APTX: variants seen among roughly 807,000 people sequenced by gnomAD.
The protein encoded by APTX is forkhead-associated domain histidine triad-like protein.
A neutral mutation model predicts 42.3 loss-of-function variants in APTX; 33 were observed. The ratio of observed to expected loss-of-function variants is 0.78; its 90% confidence interval spans 0.59 to 1.04. The LOEUF (loss-of-function observed/expected upper bound fraction) is 1.04. Among genes scored for constraint, APTX ranks in the 50% least tolerant of loss-of-function variants. The probability of loss-of-function intolerance (pLI) is 0.00; values close to 1 mark genes in which losing one functional copy is unlikely to be tolerated. For missense variants in APTX, 421 were observed against 415.1 expected (o/e 1.01, Z -0.12); for synonymous variants, 130 against 146.7 (o/e 0.89, Z 0.82).
At chr9:32,993,380 T>A (rs552458934) in intron 1 of APTX, among the ~76,000 whole-genome samples, 1 of 152,322 alleles carries the variant, frequency 6.6e-6, no homozygotes, top group East Asian at 1.9e-4. Context: ...AGGATGGGTG[T>A]TCCTGAATCT....
intron 1 of APTX, among the ~76,000 whole-genome samples, chr9:33,008,209 CTTATT>C (rs1021801435): frequency 7.9e-5 from 12 of 151,206 alleles, no homozygotes; most frequent in Non-Finnish European, 1.2e-4. Context: ...AAAAAATTTC[CTTATT>C]TTTTCTTTAT....
intron 1 of APTX, among the ~76,000 whole-genome samples, chr9:33,021,331 T>C (rs1378215316): frequency 6.6e-6 from 1 of 152,152 alleles, no homozygotes; most frequent in Non-Finnish European, 1.5e-5. Context: ...TTTAAATGTG[T>C]TAATTCTCTC....
chr9:33,018,564 G>A (rs1382399474), intron 1 of APTX, among the ~76,000 whole-genome samples: 9 of 84,876 alleles, frequency 1.1e-4, no homozygotes, highest in South Asian at 7.9e-4. Context: ...GCAAGACTTC[G>A]TCTCAGAAAA....
chr9:33,022,097 A>G (rs776263676), intron 1 of APTX, among the ~76,000 whole-genome samples: 16 of 152,176 alleles, frequency 1.1e-4, no homozygotes, highest in Non-Finnish European at 2.1e-4. Context: ...AGGAAGAGTC[A>G]CAATTTATCT....
chr9:32,985,411 C>T (rs1053340800), intron 5 of APTX, among the ~76,000 whole-genome samples: 13 of 150,670 alleles, frequency 8.6e-5, no homozygotes, highest in South Asian at 2.1e-4. Flanking sequence ...CTCAGCTCAC[C>T]GCAACCTCCA....
intron 1 of APTX, among the ~76,000 whole-genome samples, chr9:33,017,009 C>A (rs1417944486): frequency 5.9e-5 from 9 of 152,206 alleles, no homozygotes; most frequent in African/African-American, 9.7e-5. Context: ...AGACAAAAAT[C>A]TTTGCCTACA....
intron 1 of APTX, among the ~76,000 whole-genome samples, chr9:32,990,789 G>C (rs2118893130): frequency 6.6e-6 from 1 of 152,270 alleles, no homozygotes; most frequent in Non-Finnish European, 1.5e-5. Flanking sequence ...ACATAAAAAA[G>C]ATGTTCTCTA....
chr9:33,006,999 C>CAAAAAA (rs55924566), intron 1 of APTX, among the ~76,000 whole-genome samples: 21 of 49,446 alleles, frequency 4.2e-4, no homozygotes, highest in Admixed American at 8.8e-4. Context: ...GACTCTGTCT[C>CAAAAAA]AAAAAAAAAA....
intron 1 of APTX, among the ~76,000 whole-genome samples, chr9:33,000,282 A>G (rs1459399269): frequency 1.3e-5 from 2 of 152,224 alleles, no homozygotes; most frequent in African/African-American, 2.4e-5. Flanking sequence ...TCTTGTTAAT[A>G]GCGAAGGTAG....
chr9:33,023,884 G>A (rs2119346742), intron 1 of APTX, among the ~76,000 whole-genome samples: 1 of 152,316 alleles, frequency 6.6e-6, no homozygotes, highest in East Asian at 1.9e-4. Flanking sequence ...CTCACCTCCG[G>A]CTATTCTAGC....
intron 4 of APTX, 148 bp downstream of exon 4, chr9:32,987,396 A>C: frequency 8.6e-7 from 1 of 1,160,974 alleles, no homozygotes; most frequent in Non-Finnish European, 1.2e-6. Flanking sequence ...ACATTCATCC[A>C]AATGATTTTC....
At chr9:33,007,421 G>A (rs10971302) in intron 1 of APTX, among the ~76,000 whole-genome samples, 10,736 of 152,272 alleles carry the variant, frequency 0.071, 515 homozygotes, top group Non-Finnish European at 0.11. Context: ...AGTGGGGAAG[G>A]CAAAAGCAGA....
At position 32,989,874 on chromosome 9, in the gene APTX, C is replaced by A. The variant is rs144076460; in HGVS notation, c.18G>T (p.Trp6Cys). Residue 6 changes from tryptophan to cysteine, a missense_variant, in exon 2 of 8, where the codon TGG (tryptophan) becomes TGT (cysteine). By Grantham distance (215) the Trp-to-Cys change is radical (BLOSUM62 -2). Coordinates refer to ENST00000379817, the MANE Select transcript of APTX (RefSeq NM_001195248.2). ...GGTGCCGGCTGTCCTGTCTCACCAA[C>A]CAGCACACCCGCATCATCACTCTAA... MMRVC[W>C]LVRQDSRHQR... The A allele has an allele frequency of 5.4e-4, 865 of 1,614,190 alleles. 2 individuals are homozygous for A. The highest frequency in any genetic ancestry group is 6.5e-4 in the Non-Finnish European group (763 of 1,180,026).
intron 1 of APTX, among the ~76,000 whole-genome samples, chr9:33,007,609 T>A (rs2119205218): frequency 6.6e-6 from 1 of 152,290 alleles, no homozygotes; most frequent in East Asian, 1.9e-4. Flanking sequence ...AAAAGTTATT[T>A]AGTGGTGATA....
intron 1 of APTX, among the ~76,000 whole-genome samples, chr9:33,017,933 C>A (rs1267515715): frequency 2.4e-5 from 2 of 84,586 alleles, no homozygotes; most frequent in South Asian, 4.6e-4. Context: ...CCAGCGCCCC[C>A]CCCCCCCTCC....
intron 1 of APTX, among the ~76,000 whole-genome samples, chr9:33,000,625 C>CAAAAAAA (rs60760701): frequency 4.1e-4 from 26 of 63,410 alleles, no homozygotes; most frequent in South Asian, 7.5e-4. Flanking sequence ...GACTCTGTCT[C>CAAAAAAA]AAAAAAAAAA....
intron 6 of APTX, among the ~76,000 whole-genome samples, chr9:32,979,285 T>C (rs1587386763): frequency 6.6e-6 from 1 of 152,146 alleles, no homozygotes; most frequent in East Asian, 1.9e-4. Context: ...AGTGAGAACA[T>C]GTGGTATTTG....
In APTX at chr9:32,993,923, T is replaced by A. The variant is rs1336939902; in HGVS notation, c.-4-4028A>T. ...TAATAGAGACGGGGTTTCACCATGTTGGCCAGGCTGGTCTCGAACTCCTGA... is the reference window on the plus strand; with the variant it reads ...TAATAGAGACGGGGTTTCACCATGTAGGCCAGGCTGGTCTCGAACTCCTGA... On this transcript the variant is annotated intron_variant, in intron 1 of 7. Coordinates refer to ENST00000379817, the MANE Select transcript of APTX (RefSeq NM_001195248.2). Among the ~76,000 whole-genome samples, 5 of 152,072 alleles carry A rather than the reference T, an allele frequency of 3.3e-5. No homozygotes were observed. The East Asian group carries it at 9.7e-4, about 29-fold the overall frequency.
intron 1 of APTX, among the ~76,000 whole-genome samples, chr9:32,995,185 C>T (rs1236682969): frequency 6.6e-6 from 1 of 152,296 alleles, no homozygotes; most frequent in Middle Eastern, 3.4e-3. Context: ...TTAAGAAATA[C>T]ATTTCATAAG....
Sources: gnomAD v4.1 joint callset for allele counts (sites outside exome capture counted in the v4.1 genomes callset) on GRCh38, gnomAD v4.1.1 for gene constraint, MANE v1.5 for transcripts, NCBI Gene and HGNC (gene_info 2026-07-23, HGNC 2026-07-21) for gene names.